The following RNLS variants were observed in gnomAD, a reference collection of about 807,000 sequenced individuals.
RNLS encodes the protein renalase.
Under a neutral mutation model 39.8 loss-of-function variants are expected in RNLS, and 39 were observed. The ratio of observed to expected loss-of-function variants is 0.98; its 90% CI spans 0.76 to 1.28. RNLS has a LOEUF of 1.28. RNLS is among the 50% of genes most tolerant of loss of function. The pLI is 0.00. For synonymous variants in RNLS, 147 were observed against 150.7 expected (o/e 0.98, Z 0.18); for missense variants, 410 against 413.3 (o/e 0.99, Z 0.07).
intron 5 of RNLS, among the ~76,000 whole-genome samples, chr10:88,324,705 T>A (rs1846453256): frequency 6.6e-6 from 1 of 152,132 alleles, no homozygotes; most frequent in South Asian, 2.1e-4. Flanking sequence ...AGGTGCCACC[T>A]GAATTTATTT....
chr10:88,508,582 G>T (rs1468231102), intron 4 of RNLS, among the ~76,000 whole-genome samples: 1 of 152,116 alleles, frequency 6.6e-6, no homozygotes, highest in Non-Finnish European at 1.5e-5. Context: ...TAGTAATGAT[G>T]GTGGCAGTGG....
chr10:88,181,852 G>T, the RNLS span, among the ~76,000 whole-genome samples: 1 of 152,110 alleles, frequency 6.6e-6, no homozygotes, highest in African/African-American at 2.4e-5. Flanking sequence ...AGAAGCCTTT[G>T]TGTTTTCTGT....
intron 4 of RNLS, among the ~76,000 whole-genome samples, chr10:88,372,040 A>C (rs1480152436): frequency 6.6e-6 from 1 of 152,172 alleles, no homozygotes; most frequent in Non-Finnish European, 1.5e-5. Context: ...AAATACAATA[A>C]TACTTAATAG....
intron 4 of RNLS, among the ~76,000 whole-genome samples, chr10:88,503,789 T>C (rs555651097): frequency 1.3e-5 from 2 of 152,314 alleles, no homozygotes; most frequent in South Asian, 4.1e-4. Context: ...CCCTTGAGTA[T>C]GGGCTGGACG....
chr10:88,528,541 G>C (rs1447439036), intron 4 of RNLS, among the ~76,000 whole-genome samples: 1 of 152,108 alleles, frequency 6.6e-6, no homozygotes, highest in African/African-American at 2.4e-5. Context: ...CTAGTCCTGA[G>C]AGTAGTAAGA....
chr10:88,175,707 G>A, the RNLS span, among the ~76,000 whole-genome samples: 3 of 152,162 alleles, frequency 2.0e-5, no homozygotes, highest in African/African-American at 7.2e-5. Context: ...TGAAAAGAAT[G>A]TGTATTCTGT....
chr10:88,267,713 C>G, the RNLS span, among the ~76,000 whole-genome samples: 2 of 152,174 alleles, frequency 1.3e-5, no homozygotes, highest in African/African-American at 4.8e-5. Context: ...ACAATAAAGT[C>G]AGACCTTCCC....
chr10:88,405,520 T>C (rs544733186), intron 4 of RNLS, among the ~76,000 whole-genome samples: 1 of 152,256 alleles, frequency 6.6e-6, no homozygotes, highest in South Asian at 2.1e-4. Flanking sequence ...TAGCTACCCC[T>C]GCTTGCTTTT....
chr10:88,550,046 A>G (rs1158655345), intron 4 of RNLS, among the ~76,000 whole-genome samples: 4 of 152,072 alleles, frequency 2.6e-5, no homozygotes, highest in African/African-American at 9.7e-5. Context: ...GGTTGTTGCT[A>G]TGTTTTCTTG....
chr10:88,358,313 C>T (rs778332489), intron 5 of RNLS, among the ~76,000 whole-genome samples: 4 of 152,184 alleles, frequency 2.6e-5, no homozygotes, highest in African/African-American at 9.7e-5. Flanking sequence ...ATCTGGCCTA[C>T]AATTCCTGCC....
At chr10:88,355,585 C>T (rs988547000) in intron 5 of RNLS, among the ~76,000 whole-genome samples, 9 of 152,102 alleles carry the variant, frequency 5.9e-5, no homozygotes, top group African/African-American at 1.7e-4. Context: ...TTCGTCTCAG[C>T]AGGATACCTG....
the RNLS span, among the ~76,000 whole-genome samples, chr10:88,257,056 A>G: frequency 6.7e-6 from 1 of 149,280 alleles, no homozygotes; most frequent in Non-Finnish European, 1.5e-5. Context: ...AAAAAAAAAA[A>G]TGTTTGATGT....
chr10:88,382,268 T>TGTTA (rs2133525269), intron 4 of RNLS, among the ~76,000 whole-genome samples: 2 of 152,084 alleles, frequency 1.3e-5, no homozygotes, highest in African/African-American at 4.8e-5. Flanking sequence ...TGTAGATGAC[T>TGTTA]GTTATCAAAT....
At chr10:88,180,275 A>C in the RNLS span, among the ~76,000 whole-genome samples, 2 of 152,224 alleles carry the variant, frequency 1.3e-5, no homozygotes, top group African/African-American at 4.8e-5. Context: ...TTCAGACTGC[A>C]CCATGTCAGA....
At chr10:88,457,661 C>G (rs773249889) in intron 4 of RNLS, among the ~76,000 whole-genome samples, 8 of 152,220 alleles carry the variant, frequency 5.3e-5, no homozygotes, top group South Asian at 4.1e-4. Flanking sequence ...TTTAGCAAAG[C>G]ATTTGAGTTT....
At chr10:88,503,773 C>T (rs1211712340) in intron 4 of RNLS, among the ~76,000 whole-genome samples, 1 of 152,166 alleles carries the variant, frequency 6.6e-6, no homozygotes, top group East Asian at 1.9e-4. Context: ...ATTATTCCCT[C>T]CCCTTCCCTT....
intron 6 of RNLS, among the ~76,000 whole-genome samples, chr10:88,300,852 A>G (rs1171452641): frequency 6.6e-6 from 1 of 152,188 alleles, no homozygotes; most frequent in Admixed American, 6.5e-5. Flanking sequence ...GTTTTATAGC[A>G]TAATACTGAT....
At chr10:88,384,803 G>A (rs543442582) in intron 4 of RNLS, among the ~76,000 whole-genome samples, 26 of 152,250 alleles carry the variant, frequency 1.7e-4, no homozygotes, top group East Asian at 7.7e-4. Flanking sequence ...TTGAGTTGAC[G>A]TTTGTTAAGG....
At chr10:88,328,052 C>T (rs954686103) in intron 5 of RNLS, among the ~76,000 whole-genome samples, 5 of 151,706 alleles carry the variant, frequency 3.3e-5, no homozygotes, top group African/African-American at 2.4e-5. Flanking sequence ...AGACTACAGG[C>T]GTGCACCACC....
Sources: allele counts gnomAD v4.1 joint callset (sites outside exome capture counted in the v4.1 genomes callset), GRCh38; gene constraint gnomAD v4.1.1; transcripts MANE v1.5; gene names NCBI Gene and HGNC (gene_info 2026-07-23, HGNC 2026-07-21).